Variants in FMNL2 observed in about 807,000 individuals in gnomAD.
The protein encoded by FMNL2 is formin-like protein 2.
A neutral mutation model predicts 130.2 loss-of-function variants in FMNL2; 51 were observed. The observed-to-expected ratio is 0.39, with a 90% CI of 0.31 to 0.49. The LOEUF is 0.49. Ranked by LOEUF, FMNL2 falls within the 20% of genes least tolerant of loss-of-function variation. The pLI is 0.85. For missense variants in FMNL2, 977 were observed against 1,316.2 expected (o/e 0.74, Z 3.99); for synonymous variants, 465 against 467.1 (o/e 1.00, Z 0.06).
intron 6 of FMNL2, among the ~76,000 whole-genome samples, chr2:152,569,634 T>C (rs1228339960): frequency 1.5e-5 from 2 of 134,542 alleles, no homozygotes; most frequent in Non-Finnish European, 3.1e-5. Flanking sequence ...TGTGCGGAGA[T>C]CATGCCACTG....
At chr2:152,421,015 T>C (rs1306574641) in intron 1 of FMNL2, among the ~76,000 whole-genome samples, 3 of 152,218 alleles carry the variant, frequency 2.0e-5, no homozygotes, top group African/African-American at 7.2e-5. Flanking sequence ...ACGCATCTTG[T>C]ATGTGGGGAC....
At chr2:152,484,725 G>A (rs1400223355) in intron 1 of FMNL2, among the ~76,000 whole-genome samples, 13 of 152,182 alleles carry the variant, frequency 8.5e-5, no homozygotes, top group African/African-American at 3.1e-4. Flanking sequence ...TGGTGCCCCT[G>A]CACTCCAGCC....
chr2:152,639,836 T>TGGCCG, intron 23 of FMNL2, 122 bp from the exon 24 acceptor site: 1 of 591,694 alleles, frequency 1.7e-6, no homozygotes, highest in Non-Finnish European at 2.5e-6. Flanking sequence ...GTGTAGATCT[T>TGGCCG]CTCAACCTTC....
chr2:152,357,183 A>G (rs941860943), intron 1 of FMNL2, among the ~76,000 whole-genome samples: 4 of 109,628 alleles, frequency 3.6e-5, no homozygotes, highest in Admixed American at 1.1e-4. Flanking sequence ...TAAATATTAA[A>G]TCAGTTTAAT....
At chr2:152,392,711 G>A (rs185445083) in intron 1 of FMNL2, among the ~76,000 whole-genome samples, 1 of 152,060 alleles carries the variant, frequency 6.6e-6, no homozygotes, top group African/African-American at 2.4e-5. Context: ...CATCACTTTG[G>A]CAACACCTAA....
At chr2:152,575,084 A>G (rs1696401259) in intron 6 of FMNL2, 52 bp from the exon 7 acceptor site, 13 of 1,127,102 alleles carry the variant, frequency 1.2e-5, no homozygotes, top group Non-Finnish European at 1.7e-5. Context: ...GCATGTGCCT[A>G]TGCTAAGAAA....
chr2:152,510,098 ACT>A (rs933333109), intron 1 of FMNL2, among the ~76,000 whole-genome samples: 19 of 152,010 alleles, frequency 1.2e-4, no homozygotes, highest in Admixed American at 5.2e-4. Context: ...GTTGAAGTAA[ACT>A]CTGTTAGTAT....
chr2:152,425,144 A>G (rs960988014), intron 1 of FMNL2, among the ~76,000 whole-genome samples: 4 of 152,194 alleles, frequency 2.6e-5, no homozygotes, highest in South Asian at 2.1e-4. Context: ...AAACCCCTGT[A>G]AAGAGTTAGA....
intron 1 of FMNL2, among the ~76,000 whole-genome samples, chr2:152,355,210 G>A (rs1682715912): frequency 6.6e-6 from 1 of 152,142 alleles, no homozygotes; most frequent in South Asian, 2.1e-4. Context: ...GCTCATGATG[G>A]TAACTGCCAA....
In FMNL2 at chr2:152,490,564, A is replaced by G. The variant is rs573300353; in HGVS notation, c.118-31379A>G. Among the ~76,000 whole-genome samples, 94 of 85,334 alleles carry G rather than the reference A, an allele frequency of 1.1e-3. 1 individual carries two copies. The highest frequency in any genetic ancestry group is 1.7e-3 in the Non-Finnish European group (66 of 38,930). The allele number at this position is 85,334 out of a possible 152,430, so 56.0% of individuals were successfully genotyped here. ...CAGATGCTTCTCTTCAGCTTTTGCTATCCAATGTGTGTGTGTGTGTGTGTG... is the reference window on the plus strand; with the variant it reads ...CAGATGCTTCTCTTCAGCTTTTGCTGTCCAATGTGTGTGTGTGTGTGTGTG... On this transcript the variant is annotated intron_variant, in intron 1 of 25. Coordinates refer to ENST00000288670, the MANE Select transcript of FMNL2 (RefSeq NM_052905.4).
At chr2:152,389,054 G>GC (rs1310030938) in intron 1 of FMNL2, among the ~76,000 whole-genome samples, 4 of 105,532 alleles carry the variant, frequency 3.8e-5, no homozygotes, top group Admixed American at 9.3e-5. Context: ...AAATCTAAAT[G>GC]CTGTTTTTCA....
intron 6 of FMNL2, among the ~76,000 whole-genome samples, chr2:152,563,812 T>C (rs932258157): frequency 3.9e-5 from 6 of 152,248 alleles, no homozygotes; most frequent in Non-Finnish European, 7.4e-5. Context: ...CACCACCAGA[T>C]TGGTTTCTCT....
At chr2:152,502,733 A>G (rs753356304) in intron 1 of FMNL2, among the ~76,000 whole-genome samples, 9 of 152,102 alleles carry the variant, frequency 5.9e-5, no homozygotes, top group Non-Finnish European at 1.3e-4. Flanking sequence ...TACCATCTTT[A>G]TTTCATTGTG....
At chr2:152,572,334 C>T (rs1286398352) in intron 6 of FMNL2, among the ~76,000 whole-genome samples, 1 of 152,092 alleles carries the variant, frequency 6.6e-6, no homozygotes, top group African/African-American at 2.4e-5. Flanking sequence ...AACTTTGGGG[C>T]TTAAAAAAGA....
intron 4 of FMNL2, among the ~76,000 whole-genome samples, chr2:152,558,124 A>G (rs991644821): frequency 6.6e-6 from 1 of 152,216 alleles, no homozygotes. Flanking sequence ...AAAAAACCTG[A>G]TATTTGTCAT....
intron 2 of FMNL2, among the ~76,000 whole-genome samples, chr2:152,523,840 A>G (rs1693240056): frequency 6.6e-6 from 1 of 152,178 alleles, no homozygotes; most frequent in Non-Finnish European, 1.5e-5. Flanking sequence ...CCTTTAGGAT[A>G]TGGGCCTCTA....
chr2:152,611,449 GAA>G (rs1698678344), intron 10 of FMNL2, 44 bp from the exon 11 acceptor site: 1 of 1,135,434 alleles, frequency 8.8e-7, no homozygotes, highest in African/African-American at 1.6e-5. Flanking sequence ...GTTAAACTGA[GAA>G]AAAAGTTTGG....
intron 6 of FMNL2, among the ~76,000 whole-genome samples, chr2:152,561,633 G>A (rs1695534430): frequency 6.6e-6 from 1 of 151,184 alleles, no homozygotes; most frequent in African/African-American, 2.4e-5. Flanking sequence ...TAGTGCAGTG[G>A]CACAATCTTG....
intron 1 of FMNL2, among the ~76,000 whole-genome samples, chr2:152,377,654 G>C (rs1410466395): frequency 6.6e-6 from 1 of 152,112 alleles, no homozygotes; most frequent in African/African-American, 2.4e-5. Context: ...GTACAGTACT[G>C]CTCTATGGAA....
Sources: gnomAD v4.1 joint callset for allele counts (sites outside exome capture counted in the v4.1 genomes callset) on GRCh38, gnomAD v4.1.1 for gene constraint, MANE v1.5 for transcripts, NCBI Gene and HGNC (gene_info 2026-07-23, HGNC 2026-07-21) for gene names.